The following TMTC1 variants were observed in gnomAD, a reference collection of about 807,000 sequenced individuals.
TMTC1 encodes the protein transmembrane O-mannosyltransferase targeting cadherins 1.
Under a neutral mutation model 104.8 loss-of-function variants are expected in TMTC1, and 73 were observed. The observed-to-expected ratio is 0.70, with a 90% CI of 0.58 to 0.85. The LOEUF is 0.85. Among genes scored for constraint, TMTC1 ranks in the 40% least tolerant of loss-of-function variants. The probability of loss-of-function intolerance (pLI) is 0.00; values close to 1 mark genes in which losing one functional copy is unlikely to be tolerated. For missense variants in TMTC1, 1,035 were observed against 1,096.1 expected (o/e 0.94, Z 0.79); for synonymous variants, 434 against 428.7 (o/e 1.01, Z -0.15).
intron 11 of TMTC1, chr12:29,529,745 T>C (rs1328337680): frequency 6.6e-6 from 1 of 152,230 alleles, no homozygotes; most frequent in Non-Finnish European, 1.5e-5. Flanking sequence ...AGAAACATGC[T>C]ATCAATATTT....
At position 29,746,377 on chromosome 12, in the gene TMTC1, C is replaced by T. The variant is rs148341780; in HGVS notation, c.938+5289G>A. Among the ~76,000 whole-genome samples the T allele has an allele frequency of 7.3e-3, 1,117 of 152,302 alleles. 3 individuals are homozygous for T. Among genetic ancestry groups the T allele is most frequent in the Non-Finnish European group, 0.013 (900 of 68,026 alleles). On this transcript the variant is annotated intron_variant, in intron 5 of 17. Coordinates refer to ENST00000539277, the MANE Select transcript of TMTC1 (RefSeq NM_001193451.2). The stretch of plus-strand genomic sequence containing the variant: ...ATTCATCAATAATACAGGCTTTCAA[C>T]ATAGATTTGTTCTGTCACCTGCAAA...
chr12:29,712,118 C>G (rs1219343434), intron 5 of TMTC1, among the ~76,000 whole-genome samples: 1 of 150,640 alleles, frequency 6.6e-6, no homozygotes, highest in Admixed American at 6.6e-5. Flanking sequence ...ATAACGCAAA[C>G]TTCCCCTCAA....
chr12:29,567,362 C>T (rs10400541), intron 9 of TMTC1, among the ~76,000 whole-genome samples: 93,929 of 151,998 alleles, frequency 0.62, 29,918 homozygotes, highest in South Asian at 0.73. Flanking sequence ...TGAAATTCAG[C>T]TCATAAGTAT....
chr12:29,507,075 C>T (rs950489096), intron 17 of TMTC1, 89 bp from the exon 18 acceptor site: 2 of 1,089,314 alleles, frequency 1.8e-6, no homozygotes, highest in African/African-American at 3.1e-5. Context: ...GACCCTCTGC[C>T]CAGTTTTACA....
At position 29,767,880 on chromosome 12, in the gene TMTC1, A is replaced by C; in HGVS notation, c.480+18T>G. 6.2e-7 allele frequency: 1 copy of C among 1,612,200 alleles called. No individual in the cohort carries two copies. Among genetic ancestry groups the C allele is most frequent in the South Asian group, 1.1e-5 (1 of 91,002 alleles). On this transcript the variant is annotated intron_variant, in intron 2 of 17. Transcript: ENST00000539277. ...CACATTCATATTCGTTATTTCACTG[A>C]GATCCAATTACACTTACCGCCTCAG... is the stretch of plus-strand genomic sequence containing the variant.
intron 10 of TMTC1, among the ~76,000 whole-genome samples, chr12:29,551,457 C>T (rs1945100989): frequency 6.6e-6 from 1 of 152,106 alleles, no homozygotes; most frequent in Non-Finnish European, 1.5e-5. Flanking sequence ...AATTCATCTG[C>T]TATATAGTTC....
At chr12:29,724,688 C>T (rs1942332614) in intron 5 of TMTC1, among the ~76,000 whole-genome samples, 1 of 152,060 alleles carries the variant, frequency 6.6e-6, no homozygotes, top group African/African-American at 2.4e-5. Flanking sequence ...GATTCATCTA[C>T]ATATATGTAT....
intron 6 of TMTC1, among the ~76,000 whole-genome samples, chr12:29,624,032 C>T (rs1040954500): frequency 6.6e-6 from 1 of 151,848 alleles, no homozygotes; most frequent in Non-Finnish European, 1.5e-5. Context: ...CTGGCTGGAG[C>T]ACAGTGGCAC....
chr12:29,512,151 GAAAC>G, intron 16 of TMTC1, 31 bp from the exon 17 acceptor site: 1 of 1,554,796 alleles, frequency 6.4e-7, no homozygotes, highest in Non-Finnish European at 8.7e-7. Flanking sequence ...CTCAGGTTAG[GAAAC>G]AAACCTCCAA....
At chr12:29,603,912 A>T (rs1946629493) in intron 7 of TMTC1, among the ~76,000 whole-genome samples, 1 of 152,250 alleles carries the variant, frequency 6.6e-6, no homozygotes, top group African/African-American at 2.4e-5. Context: ...AATGATTACT[A>T]CTAAAATCCT....
chr12:29,736,741 A>T (rs927750057), intron 5 of TMTC1, among the ~76,000 whole-genome samples: 9 of 152,226 alleles, frequency 5.9e-5, no homozygotes, highest in Non-Finnish European at 1.0e-4. Flanking sequence ...TTAAAAAACA[A>T]AAATAAAAAG....
At chr12:29,682,576 G>C (rs181783637) in intron 5 of TMTC1, among the ~76,000 whole-genome samples, 12 of 152,258 alleles carry the variant, frequency 7.9e-5, no homozygotes, top group African/African-American at 2.9e-4. Context: ...CAATACAAAG[G>C]AAAGAATTAT....
intron 5 of TMTC1, among the ~76,000 whole-genome samples, chr12:29,725,014 CTTTTTTT>C (rs869135481): frequency 1.1e-5 from 1 of 90,402 alleles, no homozygotes; most frequent in Non-Finnish European, 2.0e-5. Context: ...CTGCCAAGTT[CTTTTTTT>C]TTTTTTTTTT....
At chr12:29,605,029 G>A (rs1397253151) in intron 6 of TMTC1, among the ~76,000 whole-genome samples, 1 of 151,980 alleles carries the variant, frequency 6.6e-6, no homozygotes, top group Admixed American at 6.6e-5. Context: ...CTGATAATAT[G>A]TTGCAATGAC....
intron 5 of TMTC1, among the ~76,000 whole-genome samples, chr12:29,639,358 A>G (rs543299538): frequency 9.0e-4 from 137 of 152,308 alleles, no homozygotes; most frequent in Admixed American, 8.8e-3. Flanking sequence ...AGGGCCACCC[A>G]AGAGTAATAG....
intron 5 of TMTC1, among the ~76,000 whole-genome samples, chr12:29,670,519 C>T (rs552415863): frequency 2.0e-5 from 3 of 152,302 alleles, no homozygotes; most frequent in South Asian, 2.1e-4. Flanking sequence ...AAAAGCTCTG[C>T]TACCTCTCAC....
chr12:29,755,578 T>C, intron 4 of TMTC1, 131 bp downstream of exon 4: 1 of 721,772 alleles, frequency 1.4e-6, no homozygotes, highest in Non-Finnish European at 2.2e-6. Flanking sequence ...CCTTGTTGAT[T>C]ACGTGACAGT....
intron 5 of TMTC1, among the ~76,000 whole-genome samples, chr12:29,710,810 T>TTA (rs1565786208): frequency 4.5e-4 from 24 of 53,420 alleles, no homozygotes; most frequent in African/African-American, 1.1e-3. Flanking sequence ...TGTATTTATA[T>TTA]ATAATATAAT....
At chr12:29,741,142 C>G (rs1942814100) in intron 5 of TMTC1, among the ~76,000 whole-genome samples, 1 of 152,156 alleles carries the variant, frequency 6.6e-6, no homozygotes, top group African/African-American at 2.4e-5. Flanking sequence ...AAACACAAAA[C>G]TTAATCTTTT....
Sources: gnomAD v4.1 joint callset for allele counts (sites outside exome capture counted in the v4.1 genomes callset) on GRCh38, gnomAD v4.1.1 for gene constraint, MANE v1.5 for transcripts, NCBI Gene and HGNC (gene_info 2026-07-23, HGNC 2026-07-21) for gene names.